Variants in EGFR observed in about 807,000 individuals in gnomAD.
EGFR encodes the protein avian erythroblastic leukemia viral (v-erb-b) oncogene homolog.
EGFR carries 58 observed loss-of-function variants against 143.0 expected under a neutral mutation model. The ratio of observed to expected loss-of-function variants is 0.41; its 90% CI spans 0.33 to 0.50. EGFR has a LOEUF of 0.50. Ranked by LOEUF, EGFR falls within the 20% of genes least tolerant of loss-of-function variation. The pLI is 0.39. For synonymous variants in EGFR, 613 were observed against 594.4 expected, an observed-to-expected ratio of 1.03 and a Z score of -0.45; for missense variants, 1,307 against 1,579.0, an observed-to-expected ratio of 0.83 and a Z score of 2.92.
intron 3 of EGFR, among the ~76,000 whole-genome samples, chr7:55,143,978 T>C (rs1794617428): frequency 6.6e-6 from 1 of 152,182 alleles, no homozygotes; most frequent in Non-Finnish European, 1.5e-5. Context: ...TTTGAATTTT[T>C]GTGAGCAGGA....
chr7:55,156,056 T>G, intron 8 of EGFR, 110 bp downstream of exon 8: 1 of 796,854 alleles, frequency 1.3e-6, no homozygotes, highest in Non-Finnish European at 2.2e-6. Flanking sequence ...AAAACAACTA[T>G]ACATATCGTT....
At chr7:55,172,943 CA>C in intron 16 of EGFR, 39 bp from the exon 17 acceptor site, 1 of 1,614,126 alleles carries the variant, frequency 6.2e-7, no homozygotes, top group Non-Finnish European at 8.5e-7. Flanking sequence ...TGGAATCTGT[CA>C]GCAACCTCAC....
At chr7:55,131,057 G>A (rs1478872602) in intron 1 of EGFR, among the ~76,000 whole-genome samples, 1 of 152,124 alleles carries the variant, frequency 6.6e-6, no homozygotes, top group Non-Finnish European at 1.5e-5. Flanking sequence ...CTTTGACCAG[G>A]GACTCTCCCC....
intron 15 of EGFR, chr7:55,168,535 C>T: frequency 6.2e-7 from 1 of 1,600,320 alleles, no homozygotes; most frequent in Non-Finnish European, 8.6e-7. Context: ...CCTAATAAAT[C>T]TTCACTGTCT....
chr7:55,203,136 C>T (rs1053387968), intron 27 of EGFR: 16 of 248,418 alleles, frequency 6.4e-5, no homozygotes, highest in African/African-American at 3.3e-4. Flanking sequence ...CACATATACA[C>T]ACACCACACA....
chr7:55,138,993 G>A (rs1283021761), intron 1 of EGFR, among the ~76,000 whole-genome samples: 2 of 152,182 alleles, frequency 1.3e-5, no homozygotes, highest in African/African-American at 4.8e-5. Context: ...TCCCGTGATA[G>A]CTAACCCATT....
chr7:55,203,933 TTA>T (rs1239036840), intron 27 of EGFR, among the ~76,000 whole-genome samples: 1 of 151,036 alleles, frequency 6.6e-6, no homozygotes, highest in Non-Finnish European at 1.5e-5. Context: ...ATCAAAATCT[TTA>T]TATATAAAAA....
chr7:55,027,971 T>C (rs1441366995), intron 1 of EGFR, among the ~76,000 whole-genome samples: 1 of 89,664 alleles, frequency 1.1e-5, no homozygotes, highest in Admixed American at 1.5e-4. Context: ...TTCATGCCTT[T>C]ATGTAAAAAA....
intron 1 of EGFR, among the ~76,000 whole-genome samples, chr7:55,078,778 C>T (rs17172435): frequency 0.21 from 31,737 of 152,152 alleles, 4,019 homozygotes; most frequent in African/African-American, 0.34. Flanking sequence ...GGGCAGCCCG[C>T]GGATCCTGTG....
chr7:55,174,366 T>C (rs992270986), intron 18 of EGFR, among the ~76,000 whole-genome samples: 3 of 152,228 alleles, frequency 2.0e-5, no homozygotes, highest in African/African-American at 7.2e-5. Context: ...CCAGCTGAAA[T>C]GGGCTCATCT....
chr7:55,112,211 AC>A (rs1188672062), intron 1 of EGFR, among the ~76,000 whole-genome samples: 1 of 152,090 alleles, frequency 6.6e-6, no homozygotes, highest in Non-Finnish European at 1.5e-5. Context: ...TCTCATTGTG[AC>A]TCACTTTGAT....
intron 20 of EGFR, among the ~76,000 whole-genome samples, chr7:55,186,017 C>T (rs761089753): frequency 8.5e-5 from 13 of 152,168 alleles, no homozygotes; most frequent in Non-Finnish European, 1.5e-4. Flanking sequence ...GGAAGATGAG[C>T]TGAGTGGGCC....
intron 1 of EGFR, among the ~76,000 whole-genome samples, chr7:55,105,802 T>A (rs1354744193): frequency 1.3e-5 from 2 of 152,232 alleles, no homozygotes; most frequent in African/African-American, 4.8e-5. Flanking sequence ...GCATTAACTA[T>A]TTTAATTTAG....
intron 1 of EGFR, among the ~76,000 whole-genome samples, chr7:55,031,324 G>A (rs17288966): frequency 6.6e-6 from 1 of 152,198 alleles, no homozygotes; most frequent in East Asian, 1.9e-4. Flanking sequence ...TCTTGCAAAG[G>A]TTACTTGGGC....
Position 55,160,328 on chromosome 7 carries a change from A to C in EGFR, c.1488A>C (p.Glu496Asp), listed in dbSNP as rs1785633928. The C allele has an allele frequency of 6.2e-7, 1 of 1,613,110 alleles. No homozygotes were observed. Among genetic ancestry groups the C allele is most frequent in the Non-Finnish European group, 8.5e-7 (1 of 1,179,934 alleles). ...QKTKIISNRGENSCKATGQVC... is the reference protein window; with the variant it reads ...QKTKIISNRGDNSCKATGQVC... ...CCAAAATTATAAGCAACAGAGGTGA[A>C]AACAGCTGCAGTAAGTCACCGCTTT... Residue 496 changes from glutamate (E) to aspartate (D), a missense_variant, in exon 12 of 28, where the codon GAA becomes GAC. Physicochemically the swap from Glu to Asp is conservative, Grantham distance 45 (BLOSUM62 2). Transcript: ENST00000275493.
intron 1 of EGFR, among the ~76,000 whole-genome samples, chr7:55,101,736 A>G (rs963335054): frequency 1.3e-5 from 2 of 152,172 alleles, no homozygotes; most frequent in East Asian, 1.9e-4. Flanking sequence ...TAAACTGTCT[A>G]TATTTTTTCC....
At chr7:55,078,327 C>T (rs1273423716) in intron 1 of EGFR, among the ~76,000 whole-genome samples, 3 of 151,924 alleles carry the variant, frequency 2.0e-5, no homozygotes, top group Non-Finnish European at 4.4e-5. Flanking sequence ...CAGCCCAGAG[C>T]GGTGCCAGGA....
chr7:55,165,637 C>A (rs1355661808), intron 15 of EGFR, among the ~76,000 whole-genome samples, 200 bp downstream of exon 15: 1 of 152,186 alleles, frequency 6.6e-6, no homozygotes, highest in Non-Finnish European at 1.5e-5. Context: ...CTCTGCCATG[C>A]ACCGTGTCCC....
intron 1 of EGFR, among the ~76,000 whole-genome samples, chr7:55,124,913 C>T (rs1476681197): frequency 6.6e-6 from 1 of 152,240 alleles, no homozygotes; most frequent in East Asian, 1.9e-4. Context: ...GTCGATTCAC[C>T]CTCTTTAACC....
Sources: gnomAD v4.1 joint callset for allele counts (sites outside exome capture counted in the v4.1 genomes callset) on GRCh38, gnomAD v4.1.1 for gene constraint, MANE v1.5 for transcripts, NCBI Gene and HGNC (gene_info 2026-07-23, HGNC 2026-07-21) for gene names.